Variants in HECTD2 observed in about 807,000 individuals in gnomAD.
HECTD2 encodes the protein probable E3 ubiquitin-protein ligase HECTD2.
In HECTD2, 35 loss-of-function variants were observed where a neutral mutation model predicts 103.2. That is an observed-to-expected ratio of 0.34 (90% CI 0.26 to 0.45). HECTD2 has a LOEUF of 0.45. HECTD2 is among the 20% of genes least tolerant of loss of function. The pLI is 1.00. For missense variants in HECTD2, 596 were observed against 937.4 expected (o/e 0.64, Z 4.76); for synonymous variants, 281 against 329.9 (o/e 0.85, Z 1.61).
chr10:91,469,293 A>T (rs1339327826), intron 5 of HECTD2, among the ~76,000 whole-genome samples: 2 of 152,192 alleles, frequency 1.3e-5, no homozygotes, highest in Non-Finnish European at 2.9e-5. Flanking sequence ...TCCCCAAGAC[A>T]CACAGTCCTC....
intron 7 of HECTD2, among the ~76,000 whole-genome samples, chr10:91,482,601 G>T (rs1374806085): frequency 1.3e-5 from 2 of 151,836 alleles, no homozygotes; most frequent in Non-Finnish European, 2.9e-5. Context: ...TTTTATGAAG[G>T]TGCTTTATAT....
intron 12 of HECTD2, among the ~76,000 whole-genome samples, chr10:91,491,685 C>G (rs1352017289): frequency 6.6e-6 from 1 of 152,130 alleles, no homozygotes; most frequent in African/African-American, 2.4e-5. Context: ...GACTACACAT[C>G]TATAAAATTA....
intron 11 of HECTD2, among the ~76,000 whole-genome samples, chr10:91,490,848 G>T (rs560923373): frequency 8.1e-6 from 1 of 124,188 alleles, no homozygotes; most frequent in African/African-American, 3.2e-5. Context: ...CCGGGATAGC[G>T]CCACTGCAGT....
chr10:91,431,566 G>A (rs934463145), intron 2 of HECTD2, among the ~76,000 whole-genome samples: 1 of 152,042 alleles, frequency 6.6e-6, no homozygotes, highest in Admixed American at 6.6e-5. Context: ...TTTCTTGGAG[G>A]CTTTGTTCAT....
intron 20 of HECTD2, among the ~76,000 whole-genome samples, chr10:91,509,151 C>T (rs1847321675): frequency 6.7e-6 from 1 of 149,528 alleles, no homozygotes; most frequent in Non-Finnish European, 1.5e-5. Context: ...GGAGGGATAG[C>T]ACTGGGAGAT....
chr10:91,423,218 G>A (rs1843424656), intron 1 of HECTD2, among the ~76,000 whole-genome samples: 1 of 152,138 alleles, frequency 6.6e-6, no homozygotes. Context: ...TAAGAATACA[G>A]ATTTCATGGT....
At chr10:91,412,338 G>A (rs1317368456) in intron 1 of HECTD2, among the ~76,000 whole-genome samples, 2 of 152,002 alleles carry the variant, frequency 1.3e-5, no homozygotes, top group Admixed American at 1.3e-4. Flanking sequence ...TTATGGACTT[G>A]TACTACTAGA....
intron 2 of HECTD2, among the ~76,000 whole-genome samples, chr10:91,451,339 G>A (rs967784152): frequency 6.6e-6 from 1 of 152,044 alleles, no homozygotes; most frequent in African/African-American, 2.4e-5. Context: ...CAGGTACCTG[G>A]GGAGGGGAAC....
chr10:91,507,851 A>G (rs1329400879), intron 20 of HECTD2, among the ~76,000 whole-genome samples: 1 of 126,032 alleles, frequency 7.9e-6, no homozygotes, highest in Non-Finnish European at 1.6e-5. Context: ...TGGAGGCATC[A>G]CACTACCTGA....
chr10:91,437,163 C>A (rs1211402479), intron 2 of HECTD2, among the ~76,000 whole-genome samples: 1 of 152,016 alleles, frequency 6.6e-6, no homozygotes, highest in Non-Finnish European at 1.5e-5. Flanking sequence ...ATTTTATTCA[C>A]AAATATGTAA....
intron 1 of HECTD2, among the ~76,000 whole-genome samples, chr10:91,415,147 G>A (rs1843069680): frequency 6.6e-6 from 1 of 151,172 alleles, no homozygotes; most frequent in Non-Finnish European, 1.5e-5. Context: ...TAAAGGAAAA[G>A]GACTCAGGTT....
At chr10:91,478,368 T>C in intron 6 of HECTD2, 103 bp downstream of exon 6, 1 of 688,206 alleles carries the variant, frequency 1.5e-6, no homozygotes, top group Non-Finnish European at 2.5e-6. Context: ...AGAAAAGATT[T>C]TAGTTGAGTT....
intron 1 of HECTD2, 62 bp downstream of exon 1, chr10:91,410,638 C>A (rs1289813132): frequency 7.7e-6 from 10 of 1,303,200 alleles, no homozygotes; most frequent in Non-Finnish European, 9.8e-6. Context: ...GGACGGCGGC[C>A]GGGCGAGGGC....
chr10:91,490,338 C>T (rs1420700205), intron 11 of HECTD2, among the ~76,000 whole-genome samples: 1 of 151,844 alleles, frequency 6.6e-6, no homozygotes, highest in East Asian at 1.9e-4. Flanking sequence ...ATAGATAATG[C>T]TGTGATAAAC....
chr10:91,445,546 G>C (rs1372801589), intron 2 of HECTD2, among the ~76,000 whole-genome samples: 1 of 152,144 alleles, frequency 6.6e-6, no homozygotes, highest in Non-Finnish European at 1.5e-5. Flanking sequence ...TAAAGTCCCT[G>C]GGCCTCAGTT....
intron 2 of HECTD2, among the ~76,000 whole-genome samples, chr10:91,449,248 A>G (rs76989045): frequency 9.2e-5 from 14 of 152,162 alleles, no homozygotes; most frequent in African/African-American, 3.1e-4. Flanking sequence ...TTCAACATAC[A>G]CAAATCAATA....
At chr10:91,456,076 G>GA (rs1231761801) in intron 2 of HECTD2, among the ~76,000 whole-genome samples, 1 of 152,126 alleles carries the variant, frequency 6.6e-6, no homozygotes, top group Non-Finnish European at 1.5e-5. Flanking sequence ...GGTTCCATAT[G>GA]AACTTTAAAG....
intron 20 of HECTD2, among the ~76,000 whole-genome samples, chr10:91,506,909 C>G (rs1463180912): frequency 4.0e-5 from 6 of 148,698 alleles, no homozygotes; most frequent in Non-Finnish European, 8.9e-5. Context: ...AGCAGCACAT[C>G]AAAAAGCTTC....
chr10:91,462,221 T>C (rs748172519), intron 5 of HECTD2, 37 bp downstream of exon 5: 1 of 1,529,058 alleles, frequency 6.5e-7, no homozygotes, highest in East Asian at 2.5e-5. Flanking sequence ...TTATTCTGTG[T>C]CTCTTCTGTA....
Sources: gnomAD v4.1 joint callset for allele counts (sites outside exome capture counted in the v4.1 genomes callset) on GRCh38, gnomAD v4.1.1 for gene constraint, MANE v1.5 for transcripts, NCBI Gene and HGNC (gene_info 2026-07-23, HGNC 2026-07-21) for gene names.